DLGAP2: variants seen among roughly 807,000 people sequenced by gnomAD.
DLGAP2 encodes the protein DLG associated protein 2, also known as disks large-associated protein 2.
A neutral mutation model predicts 100.3 loss-of-function variants in DLGAP2; 26 were observed. That is an observed-to-expected ratio of 0.26 (90% CI 0.19 to 0.36). The LOEUF (loss-of-function observed/expected upper bound fraction) is 0.36. DLGAP2 is among the 10% of genes least tolerant of loss of function. DLGAP2 has a pLI of 1.00. For missense variants in DLGAP2, 1,858 were observed against 1,453.2 expected (o/e 1.28, Z -4.53); for synonymous variants, 886 against 630.1 (o/e 1.41, Z -6.08).
chr8:810,634 A>AATCAACT (rs1796353435), intron 1 of DLGAP2, among the ~76,000 whole-genome samples: 1 of 152,252 alleles, frequency 6.6e-6, no homozygotes, highest in East Asian at 1.9e-4. Context: ...TTAACATAAT[A>AATCAACT]ATCAACTATA....
At chr8:1,577,170 C>T (rs1296703400) in intron 6 of DLGAP2, among the ~76,000 whole-genome samples, 2 of 152,184 alleles carry the variant, frequency 1.3e-5, no homozygotes, top group African/African-American at 2.4e-5. Flanking sequence ...TGAAATATTT[C>T]AGCTGATAGC....
At chr8:1,346,360 C>T (rs1801555724) in intron 3 of DLGAP2, among the ~76,000 whole-genome samples, 1 of 151,144 alleles carries the variant, frequency 6.6e-6, no homozygotes, top group South Asian at 2.1e-4. Context: ...CTCATGGCGG[C>T]TGTGTGGAGT....
At chr8:1,562,523 G>A (rs1450257276) in intron 5 of DLGAP2, among the ~76,000 whole-genome samples, 2 of 44,398 alleles carry the variant, frequency 4.5e-5, no homozygotes, top group African/African-American at 9.5e-5. Context: ...GGGTGTCCGC[G>A]CCTCGTTACT....
chr8:738,660 C>T (rs1417174656), intron 1 of DLGAP2: 1 of 148,742 alleles, frequency 6.7e-6, no homozygotes, highest in African/African-American at 2.5e-5. Context: ...GCTCCTCTGC[C>T]TGCGCGCCCA....
chr8:1,578,389 C>A (rs1803081521), intron 6 of DLGAP2, among the ~76,000 whole-genome samples: 2 of 152,136 alleles, frequency 1.3e-5, no homozygotes, highest in African/African-American at 4.8e-5. Flanking sequence ...ACACCAAGTC[C>A]TTGGGAGGCT....
chr8:1,371,856 G>C (rs1802245998), intron 3 of DLGAP2, among the ~76,000 whole-genome samples: 1 of 152,346 alleles, frequency 6.6e-6, no homozygotes, highest in South Asian at 2.1e-4. Context: ...TTCAGGATGA[G>C]GAAGCTGGGC....
chr8:1,549,292 G>C lies in DLGAP2; in HGVS notation c.839G>C (p.Ser280Thr). ...HHAKHSKRSK[S>T]KERKPEGKPR... is the part of the protein sequence containing the mutation. ...GCCAAGCACAGCAAGAGGAGCAAGA[G>C]CAAGGAGCGCAAGCCGGAGGGCAAG... Residue 280 changes from serine (S) to threonine (T), a missense_variant, in exon 5 of 15, where the codon AGC (serine) becomes ACC (threonine). Coordinates refer to ENST00000637795, the MANE Select transcript of DLGAP2 (RefSeq NM_001346810.2). The C allele has an allele frequency of 6.2e-7, 1 of 1,612,222 alleles. No homozygotes were observed.
intron 2 of DLGAP2, among the ~76,000 whole-genome samples, chr8:1,189,946 C>T (rs534645715): frequency 2.6e-5 from 4 of 152,108 alleles, no homozygotes; most frequent in African/African-American, 7.2e-5. Flanking sequence ...TAGGAAAAGC[C>T]AAGTAGGGTG....
At chr8:1,076,054 ATAC>A (rs1053518917) in intron 2 of DLGAP2, among the ~76,000 whole-genome samples, 5 of 152,348 alleles carry the variant, frequency 3.3e-5, no homozygotes, top group Admixed American at 3.3e-4. Context: ...AGAGGAATTC[ATAC>A]TACTAGCAAA....
At chr8:1,431,063 T>C (rs1376970301) in intron 3 of DLGAP2, among the ~76,000 whole-genome samples, 1 of 152,196 alleles carries the variant, frequency 6.6e-6, no homozygotes, top group Non-Finnish European at 1.5e-5. Context: ...GAAACAAAAA[T>C]GTGCCTGCAA....
chr8:805,053 GA>G (rs1796242126), intron 1 of DLGAP2, among the ~76,000 whole-genome samples: 1 of 152,214 alleles, frequency 6.6e-6, no homozygotes, highest in Admixed American at 6.5e-5. Flanking sequence ...TTATAGGCGT[GA>G]GCTACTGCTC....
chr8:1,023,895 G>GTGTA (rs1563150142), intron 2 of DLGAP2, among the ~76,000 whole-genome samples: 1 of 150,486 alleles, frequency 6.6e-6, no homozygotes, highest in African/African-American at 2.5e-5. Flanking sequence ...GTGTGTGTGT[G>GTGTA]TGTGTAGTTT....
At chr8:1,217,554 A>G (rs1389029551) in intron 2 of DLGAP2, among the ~76,000 whole-genome samples, 1 of 151,996 alleles carries the variant, frequency 6.6e-6, no homozygotes, top group Non-Finnish European at 1.5e-5. Flanking sequence ...CTGTTTTCCC[A>G]TTTGCTTGTT....
chr8:1,105,625 T>G (rs1804732202), intron 2 of DLGAP2, among the ~76,000 whole-genome samples: 1 of 150,990 alleles, frequency 6.6e-6, no homozygotes, highest in Non-Finnish European at 1.5e-5. Flanking sequence ...AGGGTTTTTT[T>G]TTTTTTTACT....
At chr8:900,316 T>C (rs1798226779) in intron 1 of DLGAP2, among the ~76,000 whole-genome samples, 1 of 150,086 alleles carries the variant, frequency 6.7e-6, no homozygotes, top group East Asian at 2.0e-4. Flanking sequence ...GGCGCCCTCC[T>C]CTTCACGGTG....
intron 8 of DLGAP2, among the ~76,000 whole-genome samples, chr8:1,639,298 G>C (rs569026977): frequency 6.6e-6 from 1 of 152,352 alleles, no homozygotes; most frequent in South Asian, 2.1e-4. Context: ...GTGGGAGCCA[G>C]GAGGGATGGG....
chr8:1,119,700 A>T (rs1458676167), intron 2 of DLGAP2, among the ~76,000 whole-genome samples: 1 of 152,216 alleles, frequency 6.6e-6, no homozygotes, highest in African/African-American at 2.4e-5. Context: ...GAATTTAAGT[A>T]TCCCCAGGGA....
At chr8:1,537,838 A>G (rs534821206) in intron 4 of DLGAP2, among the ~76,000 whole-genome samples, 56 of 152,362 alleles carry the variant, frequency 3.7e-4, no homozygotes, top group African/African-American at 1.3e-3. Context: ...AAGTGCAGAT[A>G]AAATTCTAAT....
chr8:1,322,140 T>C (rs1055654263), intron 3 of DLGAP2, among the ~76,000 whole-genome samples: 2 of 152,212 alleles, frequency 1.3e-5, no homozygotes, highest in Admixed American at 1.3e-4. Context: ...GAATACCTAT[T>C]TTTTTCTAGC....
Sources: gnomAD v4.1 joint callset for allele counts (sites outside exome capture counted in the v4.1 genomes callset) on GRCh38, gnomAD v4.1.1 for gene constraint, MANE v1.5 for transcripts, NCBI Gene and HGNC (gene_info 2026-07-23, HGNC 2026-07-21) for gene names.